Variants in ERG observed in about 807,000 individuals in gnomAD.
ERG encodes the protein transcriptional regulator ERG.
In ERG, 9 loss-of-function variants were observed where a neutral mutation model predicts 55.3. That is an observed-to-expected ratio of 0.16 (90% confidence interval 0.10 to 0.28). The LOEUF (loss-of-function observed/expected upper bound fraction) is 0.28, where lower values mean the gene tolerates loss of function less well. Ranked by LOEUF, ERG falls within the 10% of genes least tolerant of loss-of-function variation. The pLI, the probability that ERG is intolerant of heterozygous loss-of-function variation, is 1.00. For missense variants in ERG, 434 were observed against 631.6 expected, an observed-to-expected ratio of 0.69 and a Z score of 3.35; for synonymous variants, 223 against 237.3, an observed-to-expected ratio of 0.94 and a Z score of 0.55.
chr21:38,461,164 G>A (rs192305797), intron 1 of ERG, among the ~76,000 whole-genome samples: 38 of 152,324 alleles, frequency 2.5e-4, no homozygotes, highest in African/African-American at 8.9e-4. Flanking sequence ...CTGGAAGCTG[G>A]AAGTCAGAGA....
chr21:38,586,477 C>G (rs1234266899), upstream of ERG, among the ~76,000 whole-genome samples: 2 of 152,082 alleles, frequency 1.3e-5, no homozygotes, highest in African/African-American at 2.4e-5. Context: ...TTCCCCTACG[C>G]TCAACATCAC....
chr21:38,550,492 T>G (rs1395211169), intron 2 of ERG, among the ~76,000 whole-genome samples: 1 of 152,142 alleles, frequency 6.6e-6, no homozygotes, highest in Non-Finnish European at 1.5e-5. Context: ...ATTAGTACCT[T>G]TACAAAAGGG....
chr21:38,498,596 A>G (rs541675387), upstream of ERG: 19 of 956,306 alleles, frequency 2.0e-5, no homozygotes, highest in African/African-American at 3.1e-4. This position sits in a 1 kb window ranked among gnomAD's most constrained non-coding sequence, Gnocchi z 4.6. Flanking sequence ...AGAGACCCTG[A>G]AAACAATGTT....
intron 1 of ERG, among the ~76,000 whole-genome samples, chr21:38,621,299 T>C (rs1454542623): frequency 6.6e-6 from 1 of 152,238 alleles, no homozygotes; most frequent in Non-Finnish European, 1.5e-5. Context: ...TGTGCTTGCC[T>C]GGCAGTAGAG....
intron 2 of ERG, among the ~76,000 whole-genome samples, chr21:38,527,802 C>A (rs2146763434): frequency 6.6e-6 from 1 of 152,298 alleles, no homozygotes; most frequent in Admixed American, 6.5e-5. Context: ...ACAATGATAA[C>A]ATGTGACTGT....
chr21:38,569,744 T>C (rs1453732650), intron 2 of ERG, among the ~76,000 whole-genome samples: 2 of 152,060 alleles, frequency 1.3e-5, no homozygotes, highest in African/African-American at 4.8e-5. Flanking sequence ...CTGAGTTATG[T>C]GGTTTTTTTT....
intron 2 of ERG, among the ~76,000 whole-genome samples, chr21:38,573,321 T>C (rs951323704): frequency 6.6e-6 from 1 of 152,020 alleles, no homozygotes; most frequent in East Asian, 1.9e-4. Flanking sequence ...TGTGCTGAGG[T>C]GGATTAGTAA....
chr21:38,399,457 T>TA, intron 6 of ERG, among the ~76,000 whole-genome samples: 1 of 152,192 alleles, frequency 6.6e-6, no homozygotes, highest in Non-Finnish European at 1.5e-5. Flanking sequence ...GGATATGTGA[T>TA]AGAGTTTAAC....
chr21:38,392,289 T>A (rs2836359), intron 7 of ERG, 87 bp downstream of exon 7: 358,818 of 1,173,574 alleles, frequency 0.31, 57,532 homozygotes, highest in Admixed American at 0.36. Context: ...AAATCACAGA[T>A]TAACCACAGA....
At chr21:38,368,769 C>T in the ERG span, among the ~76,000 whole-genome samples, 8 of 152,148 alleles carry the variant, frequency 5.3e-5, no homozygotes, top group Admixed American at 5.2e-4. Flanking sequence ...CCTCCTCCCA[C>T]CCTCCCCGCT....
chr21:38,383,577 G>A lies in ERG; in HGVS notation c.1266C>T (p.His422=), dbSNP rs1215562463. The part of the protein sequence containing the change: ...PSDLPYMGSY[H]AHPQKMNFVA... ...CAAAGTTCATCTTCTGTGGGTGGGC[G>A]TGATAGGAGCCCATGTACGGGAGGT... Residue 422 remains histidine, a synonymous_variant, in exon 10 of 10, where the codon CAC becomes CAT. Coordinates refer to ENST00000288319, the MANE Select transcript of ERG (RefSeq NM_182918.4). The surrounding 1 kb of genome is among the most constrained non-coding windows in gnomAD (Gnocchi z 5.7). 1.2e-6 allele frequency: 2 copies of A among 1,606,130 alleles called. No individual in the cohort carries two copies. The highest frequency in any genetic ancestry group is 1.1e-5 in the South Asian group (1 of 90,756).
At position 38,621,444 on chromosome 21, in the gene ERG, G is replaced by C. The variant is rs560358755; in HGVS notation, c.-149-36499C>G. Among the ~76,000 whole-genome samples, 23 of 152,234 alleles carry C rather than the reference G, an allele frequency of 1.5e-4. No individual in the cohort carries two copies. In the South Asian group the frequency reaches 4.6e-3, roughly 30 times the overall value. On this transcript the variant is annotated intron_variant, in intron 1 of 10. Coordinates refer to the ERG transcript ENST00000398910. ...AATCATGCATTTCTGCTTGCCCCTTGCCATCTCCCCGCTGCCATGAGAGCA... is the reference window on the plus strand; with the variant it reads ...AATCATGCATTTCTGCTTGCCCCTTCCCATCTCCCCGCTGCCATGAGAGCA...
At chr21:38,453,561 G>C (rs989318456) in intron 1 of ERG, among the ~76,000 whole-genome samples, 2 of 152,220 alleles carry the variant, frequency 1.3e-5, no homozygotes, top group Admixed American at 6.5e-5. Flanking sequence ...CCTGTGATGT[G>C]AATAGCTTCT....
chr21:38,583,300 G>A (rs1323274609), intron 1 of ERG, among the ~76,000 whole-genome samples: 1 of 152,194 alleles, frequency 6.6e-6, no homozygotes, highest in Non-Finnish European at 1.5e-5. Flanking sequence ...GAAACATAGG[G>A]CCCATGATTT....
At chr21:38,633,921 G>C (rs777381610) in intron 1 of ERG, among the ~76,000 whole-genome samples, 1 of 151,708 alleles carries the variant, frequency 6.6e-6, no homozygotes, top group Non-Finnish European at 1.5e-5. Context: ...AGTGTGATGG[G>C]CTGCCCTAAA....
intron 2 of ERG, among the ~76,000 whole-genome samples, chr21:38,571,497 C>A (rs1229607614): frequency 1.3e-5 from 2 of 151,224 alleles, no homozygotes; most frequent in African/African-American, 4.9e-5. Flanking sequence ...GGCAACAGAG[C>A]AAGACTATGT....
rs1412186162 is a variant in ERG at position 38,382,519 on chromosome 21, C to T, written c.*884G>A. The T allele has an allele frequency of 9.4e-7, 1 of 1,065,454 alleles. No homozygotes were observed. Among genetic ancestry groups the T allele is most frequent in the Non-Finnish European group, 1.1e-6 (1 of 879,122 alleles). 66.0% of individuals were successfully genotyped at this position (1,065,454 alleles called of 1,614,324 possible). ...CTGAATTCTACTACTTCCCCTTTCTCCATTACGCTGTGTCCTTTCTCCTAA... is the reference window on the plus strand; with the variant it reads ...CTGAATTCTACTACTTCCCCTTTCTTCATTACGCTGTGTCCTTTCTCCTAA... On this transcript the variant is annotated 3_prime_UTR_variant, in exon 10 of 10. Coordinates refer to ENST00000288319, the MANE Select transcript of ERG (RefSeq NM_182918.4).
At chr21:38,470,256 T>C (rs886310537) in intron 1 of ERG, among the ~76,000 whole-genome samples, 1 of 51,100 alleles carries the variant, frequency 2.0e-5, no homozygotes, top group Non-Finnish European at 4.4e-5. Context: ...ATGAGTGTTT[T>C]CTATTATTAT....
chr21:38,651,954 G>A (rs2060491031), intron 1 of ERG, among the ~76,000 whole-genome samples: 1 of 152,216 alleles, frequency 6.6e-6, no homozygotes, highest in Non-Finnish European at 1.5e-5. Context: ...GAGCCACAGT[G>A]AAGACAGTCC....
Sources: gnomAD v4.1 joint callset for allele counts (sites outside exome capture counted in the v4.1 genomes callset) on GRCh38, gnomAD v4.1.1 for gene constraint, Gnocchi (gnomAD v3.1) non-coding constraint, MANE v1.5 for transcripts, NCBI Gene and HGNC (gene_info 2026-07-23, HGNC 2026-07-21) for gene names.